Variants in PTPRJ observed in about 807,000 individuals in gnomAD.
PTPRJ encodes the protein receptor-type tyrosine-protein phosphatase eta.
PTPRJ carries 129 observed loss-of-function variants against 141.3 expected under a neutral mutation model. That is an observed-to-expected ratio of 0.91 (90% CI 0.79 to 1.06). PTPRJ has a LOEUF of 1.06. PTPRJ is among the 50% of genes least tolerant of loss of function. The pLI is 0.00. For synonymous variants in PTPRJ, 610 were observed against 640.5 expected, an observed-to-expected ratio of 0.95 and a Z score of 0.72; for missense variants, 1,601 against 1,679.7, an observed-to-expected ratio of 0.95 and a Z score of 0.82.
At position 48,156,419 on chromosome 11, in the gene PTPRJ, A is replaced by C. The variant is rs189424323; in HGVS notation, c.3438+300A>C. 5.9e-5 allele frequency among the ~76,000 whole-genome samples: 9 copies of C among 152,196 alleles called. No homozygotes were observed. The East Asian group carries it at 1.4e-3, about 23-fold the overall frequency. On this transcript the variant is annotated intron_variant, in intron 21 of 24. Transcript: ENST00000418331. ...CCAGGCCTAGTGCAAGATGCTGTTC[A>C]CGGTGTGGCTCTGTTCTTCATTGGC...
chr11:48,082,374 G>C lies in PTPRJ; in HGVS notation c.97-27684G>C, dbSNP rs141769005. ...TCCTCCTGCTTTAGCCTCCTGAGTA[G>C]CTGGGACCACAGGCTTACACCACCA... On this transcript the variant is annotated intron_variant, in intron 1 of 24. Transcript: ENST00000418331. Among the ~76,000 whole-genome samples the C allele has an allele frequency of 7.6e-3, 1,152 of 150,980 alleles. 16 individuals are homozygous for C. The highest frequency in any genetic ancestry group is 0.026 in the African/African-American group (1,077 of 41,190).
In PTPRJ at chr11:47,980,710, G is replaced by A; in HGVS notation, c.-203G>A. 1 of 997,240 alleles carries A rather than the reference G, an allele frequency of 1.0e-6. No homozygotes were observed. The highest frequency in any genetic ancestry group is 1.2e-6 in the Non-Finnish European group (1 of 839,370). The allele number at this position is 997,240 out of a possible 1,614,324, so 61.8% of individuals were successfully genotyped here. On this transcript the variant is annotated 5_prime_UTR_variant, in exon 1 of 25. Coordinates refer to ENST00000418331, the MANE Select transcript of PTPRJ (RefSeq NM_002843.4). ...CGGCCCCCCCGCGGCAGCCGCGCTA[G>A]GCTCCGGCGTGTGGCCGCGGCCGCC...
chr11:48,161,361 G>C (rs1445469801), intron 22 of PTPRJ, among the ~76,000 whole-genome samples: 1 of 152,026 alleles, frequency 6.6e-6, no homozygotes, highest in Non-Finnish European at 1.5e-5. Flanking sequence ...TGAATCTTTT[G>C]GGTGGGTTTT....
At chr11:48,143,985 C>T (rs1011252115) in intron 12 of PTPRJ, among the ~76,000 whole-genome samples, 1 of 151,776 alleles carries the variant, frequency 6.6e-6, no homozygotes, top group Non-Finnish European at 1.5e-5. Context: ...TTCCAAAGTG[C>T]TGGGACTAGA....
At chr11:48,151,564 C>T (rs1857484195) in intron 18 of PTPRJ, among the ~76,000 whole-genome samples, 5 of 151,000 alleles carry the variant, frequency 3.3e-5, no homozygotes, top group Admixed American at 3.3e-4. Flanking sequence ...ATTAACTCAT[C>T]ATTTACATTA....
chr11:47,987,247 T>C (rs1286350687), intron 1 of PTPRJ, among the ~76,000 whole-genome samples: 1 of 151,366 alleles, frequency 6.6e-6, no homozygotes, highest in African/African-American at 2.4e-5. Context: ...TTTTAGGGGG[T>C]CTTAGTAAAG....
intron 1 of PTPRJ, among the ~76,000 whole-genome samples, chr11:48,046,912 A>ATATATT (rs1446781886): frequency 1.3e-5 from 1 of 74,172 alleles, no homozygotes; most frequent in Non-Finnish European, 2.3e-5. Context: ...ATATATATAT[A>ATATATT]TTTTTTTTTT....
intron 1 of PTPRJ, among the ~76,000 whole-genome samples, chr11:48,077,519 A>ATAT (rs1240921451): frequency 1.3e-5 from 2 of 152,192 alleles, no homozygotes; most frequent in East Asian, 3.9e-4. Context: ...GTCCCAGGAC[A>ATAT]TATTTCCTGA....
chr11:47,982,314 AG>A (rs1853931754), intron 1 of PTPRJ, among the ~76,000 whole-genome samples: 2 of 152,248 alleles, frequency 1.3e-5, no homozygotes, highest in African/African-American at 4.8e-5. Context: ...CTTGCTCTTC[AG>A]GCTTCTCTAC....
chr11:48,113,975 A>G (rs1856502459), intron 3 of PTPRJ, among the ~76,000 whole-genome samples: 1 of 152,172 alleles, frequency 6.6e-6, no homozygotes, highest in Non-Finnish European at 1.5e-5. Context: ...AGCATTGTAA[A>G]TTATTTAACT....
In PTPRJ at chr11:48,030,049, T is replaced by C. The variant is rs192222416; in HGVS notation, c.96+49041T>C. Among the ~76,000 whole-genome samples, 227 of 152,294 alleles carry C rather than the reference T, an allele frequency of 1.5e-3. 1 individual carries two copies. The highest frequency in any genetic ancestry group is 1.9e-3 in the Non-Finnish European group (128 of 68,022). ...ATTGTATGTTCTCTGGAGCCAGTGA[T>C]AGAGATAGTATAAGAAATTCTGGAC... On this transcript the variant is annotated intron_variant, in intron 1 of 24. Coordinates refer to ENST00000418331, the MANE Select transcript of PTPRJ (RefSeq NM_002843.4).
chr11:48,045,784 C>T (rs1854377789), intron 1 of PTPRJ, among the ~76,000 whole-genome samples: 1 of 152,170 alleles, frequency 6.6e-6, no homozygotes, highest in Admixed American at 6.5e-5. Flanking sequence ...CACCCCTGCC[C>T]TGCTGCCTGC....
At chr11:48,076,664 T>C (rs1356972238) in intron 1 of PTPRJ, among the ~76,000 whole-genome samples, 4 of 152,142 alleles carry the variant, frequency 2.6e-5, no homozygotes, top group African/African-American at 9.7e-5. Context: ...GAAGACCCTG[T>C]GGCGGTTGCA....
intron 24 of PTPRJ, among the ~76,000 whole-genome samples, chr11:48,166,738 T>C (rs1340564563): frequency 6.6e-6 from 1 of 152,228 alleles, no homozygotes; most frequent in African/African-American, 2.4e-5. Flanking sequence ...CCACAGATTC[T>C]GATATACCTA....
chr11:48,081,434 G>A (rs1855554546), intron 1 of PTPRJ, among the ~76,000 whole-genome samples: 1 of 152,218 alleles, frequency 6.6e-6, no homozygotes, highest in Non-Finnish European at 1.5e-5. Flanking sequence ...AGGGAGGAGA[G>A]GAAGCTCCAT....
chr11:48,094,597 G>A (rs1272541280), intron 1 of PTPRJ, among the ~76,000 whole-genome samples: 1 of 152,108 alleles, frequency 6.6e-6, no homozygotes, highest in African/African-American at 2.4e-5. Flanking sequence ...AGGATTTGGA[G>A]AACCCCAGTA....
intron 1 of PTPRJ, chr11:48,044,887 T>TA (rs752498629): frequency 3.3e-5 from 5 of 152,258 alleles, no homozygotes; most frequent in Non-Finnish European, 7.3e-5. Flanking sequence ...TAATAAGTGT[T>TA]TGCTGAGTGA....
intron 6 of PTPRJ, among the ~76,000 whole-genome samples, chr11:48,126,932 A>T (rs987004875): frequency 6.6e-6 from 1 of 152,156 alleles, no homozygotes; most frequent in Admixed American, 6.5e-5. Context: ...CACCCAAGAC[A>T]CGACAGAAAG....
chr11:48,157,942 C>G (rs1301169119), intron 21 of PTPRJ, among the ~76,000 whole-genome samples: 1 of 152,216 alleles, frequency 6.6e-6, no homozygotes, highest in African/African-American at 2.4e-5. Flanking sequence ...CACCTGAGGT[C>G]AGGAGTTTGA....
Sources: allele counts gnomAD v4.1 joint callset (sites outside exome capture counted in the v4.1 genomes callset), GRCh38; gene constraint gnomAD v4.1.1; transcripts MANE v1.5; gene names NCBI Gene and HGNC (gene_info 2026-07-23, HGNC 2026-07-21).